Variants in DCP1A observed in about 807,000 individuals in gnomAD.
The protein encoded by DCP1A is mRNA-decapping enzyme 1A.
DCP1A carries 20 observed loss-of-function variants against 58.0 expected under a neutral mutation model. That is an observed-to-expected ratio of 0.34 (90% CI 0.24 to 0.50). The LOEUF is 0.50. DCP1A is among the 20% of genes least tolerant of loss of function. The probability of loss-of-function intolerance (pLI) is 0.98; values close to 1 mark genes in which losing one functional copy is unlikely to be tolerated. For synonymous variants in DCP1A, 285 were observed against 275.1 expected (o/e 1.04, Z -0.36); for missense variants, 613 against 712.2 (o/e 0.86, Z 1.59).
At chr3:53,337,154 A>G (rs2089132387) in intron 3 of DCP1A, among the ~76,000 whole-genome samples, 1 of 152,222 alleles carries the variant, frequency 6.6e-6, no homozygotes, top group South Asian at 2.1e-4. Flanking sequence ...TACAGGCGTG[A>G]GCCACCATAC....
At chr3:53,316,961 T>G (rs1036787333) in intron 4 of DCP1A, among the ~76,000 whole-genome samples, 1 of 152,152 alleles carries the variant, frequency 6.6e-6, no homozygotes, top group Non-Finnish European at 1.5e-5. Flanking sequence ...AATCTTGCAT[T>G]AGGGGTAACA....
intron 3 of DCP1A, among the ~76,000 whole-genome samples, chr3:53,324,818 C>G (rs1708065268): frequency 6.6e-6 from 1 of 151,666 alleles, no homozygotes; most frequent in African/African-American, 2.4e-5. Context: ...CCCAGGAGTT[C>G]AAGACCAGCC....
At chr3:53,288,612 G>A (rs949895336) in intron 8 of DCP1A, among the ~76,000 whole-genome samples, 1 of 152,172 alleles carries the variant, frequency 6.6e-6, no homozygotes, top group Non-Finnish European at 1.5e-5. Context: ...AAATGTAAAG[G>A]CTTTTTGGGA....
chr3:53,329,372 A>T, intron 3 of DCP1A: 1 of 398,590 alleles, frequency 2.5e-6, no homozygotes, highest in Non-Finnish European at 4.4e-6. Flanking sequence ...GTATCAAGAG[A>T]TCGATGCCCG....
chr3:53,306,547 T>C (rs1162417452), intron 5 of DCP1A, among the ~76,000 whole-genome samples: 1 of 151,654 alleles, frequency 6.6e-6, no homozygotes, highest in Non-Finnish European at 1.5e-5. Context: ...TGAGACCCCA[T>C]CTCTACAAAA....
intron 3 of DCP1A, among the ~76,000 whole-genome samples, chr3:53,335,607 T>C (rs2089099666): frequency 6.6e-6 from 1 of 152,236 alleles, no homozygotes; most frequent in African/African-American, 2.4e-5. Context: ...TTAGAGTTTA[T>C]AATTCTAATC....
At chr3:53,324,737 T>C (rs949587839) in intron 3 of DCP1A, among the ~76,000 whole-genome samples, 2 of 152,174 alleles carry the variant, frequency 1.3e-5, no homozygotes, top group East Asian at 1.9e-4. Context: ...CATTGAAAAG[T>C]TGGCTGGGTG....
intron 3 of DCP1A, among the ~76,000 whole-genome samples, chr3:53,332,348 T>G (rs969098039): frequency 6.6e-6 from 1 of 152,234 alleles, no homozygotes; most frequent in African/African-American, 2.4e-5. Flanking sequence ...TAATTTTTGT[T>G]AAACTATGTT....
chr3:53,344,472 A>C lies in DCP1A; in HGVS notation c.176+430T>G, dbSNP rs868961998. Among the ~76,000 whole-genome samples the C allele has an allele frequency of 2.6e-5, 4 of 152,370 alleles. No individual in the cohort carries two copies. The East Asian group carries it at 7.7e-4, about 29-fold the overall frequency. ...ATCCAGAACTTCTGTGGGTTGGGAA[A>C]GAGGACAGAACCAGTCATAAAAGAC... On this transcript the variant is annotated intron_variant, in intron 2 of 9. Coordinates refer to ENST00000610213, the MANE Select transcript of DCP1A (RefSeq NM_018403.7).
rs549831109 is a variant in DCP1A, at chr3:53,337,654, T to TGTG, written c.304+4489_304+4490insCAC. Among the ~76,000 whole-genome samples, 3 of 152,196 alleles carry TGTG rather than the reference T, an allele frequency of 2.0e-5. No homozygotes were observed. The South Asian group carries it at 6.2e-4, about 31-fold the overall frequency. On this transcript the variant is annotated intron_variant, in intron 3 of 9. Transcript: ENST00000610213. ...CCTCAGGGATATATTCTGCAGCTTT[T>TGTG]GTATCTAGAAATCATTTGTAAGTTT...
At chr3:53,316,140 G>A (rs932198531) in intron 4 of DCP1A, among the ~76,000 whole-genome samples, 2 of 152,090 alleles carry the variant, frequency 1.3e-5, no homozygotes, top group Non-Finnish European at 2.9e-5. Flanking sequence ...TTAAAAGAAT[G>A]GGCACTGATG....
chr3:53,328,801 C>T (rs551505103), intron 3 of DCP1A, among the ~76,000 whole-genome samples: 5 of 152,310 alleles, frequency 3.3e-5, no homozygotes, highest in African/African-American at 7.2e-5. Context: ...TCTATGTTTT[C>T]GTGGTGATTT....
intron 5 of DCP1A, among the ~76,000 whole-genome samples, chr3:53,310,036 TGATGA>T (rs1707598032): frequency 6.6e-6 from 1 of 152,208 alleles, no homozygotes; most frequent in Admixed American, 6.5e-5. Context: ...CAGCTCCATC[TGATGA>T]GATGATAGAC....
At chr3:53,344,546 C>T (rs1229551720) in intron 2 of DCP1A, among the ~76,000 whole-genome samples, 1 of 152,164 alleles carries the variant, frequency 6.6e-6, no homozygotes, top group Non-Finnish European at 1.5e-5. Context: ...CTCTCAATAA[C>T]ATTATTTTAC....
chr3:53,304,504 C>T (rs1707408885), intron 5 of DCP1A, among the ~76,000 whole-genome samples: 1 of 152,146 alleles, frequency 6.6e-6, no homozygotes, highest in Non-Finnish European at 1.5e-5. Context: ...GTGTTGGCCA[C>T]AACTGTTATT....
intron 5 of DCP1A, among the ~76,000 whole-genome samples, chr3:53,310,515 G>T (rs1277754770): frequency 6.6e-6 from 1 of 152,156 alleles, no homozygotes; most frequent in Non-Finnish European, 1.5e-5. Context: ...CAGAGCCCTG[G>T]ACTTACTAGG....
intron 3 of DCP1A, among the ~76,000 whole-genome samples, chr3:53,330,105 G>A (rs528975583): frequency 1.1e-3 from 171 of 152,266 alleles, no homozygotes; most frequent in African/African-American, 3.7e-3. Flanking sequence ...TACTAGCCCA[G>A]TCATTCAAAT....
intron 3 of DCP1A, among the ~76,000 whole-genome samples, chr3:53,338,556 C>T (rs1553692208): frequency 6.6e-6 from 1 of 151,768 alleles, no homozygotes; most frequent in Non-Finnish European, 1.5e-5. Context: ...TGTAGATGGG[C>T]ATGTTTTATA....
intron 4 of DCP1A, among the ~76,000 whole-genome samples, chr3:53,315,741 G>GTTTTTT (rs1553689168): frequency 1.2e-4 from 9 of 75,642 alleles, no homozygotes; most frequent in Non-Finnish European, 1.1e-4. Context: ...AAATCAGTTT[G>GTTTTTT]TTGTTTTTTT....
Sources: allele counts gnomAD v4.1 joint callset (sites outside exome capture counted in the v4.1 genomes callset), GRCh38; gene constraint gnomAD v4.1.1; transcripts MANE v1.5; gene names NCBI Gene and HGNC (gene_info 2026-07-23, HGNC 2026-07-21).